Variants in SAMD4A observed in about 807,000 individuals in gnomAD.
SAMD4A encodes the protein sterile alpha motif domain containing 4A.
SAMD4A carries 33 observed loss-of-function variants against 81.3 expected under a neutral mutation model. The observed-to-expected ratio is 0.41, with a 90% CI of 0.31 to 0.54. The LOEUF is 0.54. SAMD4A is among the 20% of genes least tolerant of loss of function. The pLI, the probability that SAMD4A is intolerant of heterozygous loss-of-function variation, is 0.37. For missense variants in SAMD4A, 854 were observed against 951.1 expected (o/e 0.90, Z 1.34); for synonymous variants, 389 against 382.1 (o/e 1.02, Z -0.21).
At chr14:54,611,992 C>T (rs1444181390) in intron 2 of SAMD4A, among the ~76,000 whole-genome samples, 1 of 152,064 alleles carries the variant, frequency 6.6e-6, no homozygotes, top group African/African-American at 2.4e-5. Flanking sequence ...CATGCCGTCA[C>T]CCTGATTGAC....
At chr14:54,663,543 T>C (rs183087998) in intron 2 of SAMD4A, among the ~76,000 whole-genome samples, 1 of 152,214 alleles carries the variant, frequency 6.6e-6, no homozygotes, top group African/African-American at 2.4e-5. Flanking sequence ...GCTTGACTAC[T>C]TTTTTTTCTG....
At chr14:54,783,712 A>G (rs1263111303) in intron 11 of SAMD4A, among the ~76,000 whole-genome samples, 1 of 152,148 alleles carries the variant, frequency 6.6e-6, no homozygotes, top group African/African-American at 2.4e-5. Context: ...GCTAACTTTG[A>G]TGAGTGACTT....
At chr14:54,623,592 G>T (rs1007773293) in intron 2 of SAMD4A, among the ~76,000 whole-genome samples, 1 of 148,656 alleles carries the variant, frequency 6.7e-6, no homozygotes, top group Non-Finnish European at 1.5e-5. Flanking sequence ...TAATTCTGTT[G>T]GTAGAAATAA....
At chr14:54,755,402 T>A (rs527523919) in intron 6 of SAMD4A, among the ~76,000 whole-genome samples, 45 of 152,242 alleles carry the variant, frequency 3.0e-4, no homozygotes, top group African/African-American at 1.1e-3. Flanking sequence ...TTGTGCATCA[T>A]GTGAGTGTAA....
chr14:54,641,987 AG>A (rs1304010232), intron 2 of SAMD4A, among the ~76,000 whole-genome samples: 2 of 152,046 alleles, frequency 1.3e-5, no homozygotes, highest in Non-Finnish European at 2.9e-5. Flanking sequence ...TAGTAGAGAA[AG>A]GGTTTCACCA....
intron 8 of SAMD4A, among the ~76,000 whole-genome samples, 181 bp downstream of exon 8, chr14:54,764,721 A>G (rs146479100): frequency 2.0e-5 from 3 of 152,336 alleles, no homozygotes; most frequent in South Asian, 2.1e-4. Context: ...CAGCTTGAAC[A>G]TTACTTTGGT....
At chr14:54,711,386 T>G (rs1302423949) in intron 3 of SAMD4A, among the ~76,000 whole-genome samples, 1 of 152,144 alleles carries the variant, frequency 6.6e-6, no homozygotes. Context: ...TAGTTACAAA[T>G]GTATACCCAA....
intron 7 of SAMD4A, among the ~76,000 whole-genome samples, chr14:54,760,794 G>C (rs1034107887): frequency 2.0e-5 from 3 of 152,198 alleles, no homozygotes. Flanking sequence ...GACCCTTGCA[G>C]GAGGAAGGTG....
intron 3 of SAMD4A, among the ~76,000 whole-genome samples, chr14:54,733,241 C>T (rs2359362): frequency 0.63 from 95,270 of 152,012 alleles, 30,811 homozygotes; most frequent in Non-Finnish European, 0.71. Context: ...CTAGACTTAC[C>T]TAATACTTAT....
At chr14:54,656,213 G>T (rs2035517752) in intron 2 of SAMD4A, among the ~76,000 whole-genome samples, 1 of 152,088 alleles carries the variant, frequency 6.6e-6, no homozygotes, top group African/African-American at 2.4e-5. Context: ...GTTTCCATTT[G>T]TTATTCTTCA....
At chr14:54,671,755 G>T (rs1370227656) in intron 2 of SAMD4A, among the ~76,000 whole-genome samples, 1 of 152,224 alleles carries the variant, frequency 6.6e-6, no homozygotes, top group Non-Finnish European at 1.5e-5. Context: ...CAGTGAATGT[G>T]GCAATGAACC....
At chr14:54,679,937 A>G (rs1452350779) in intron 2 of SAMD4A, among the ~76,000 whole-genome samples, 1 of 152,268 alleles carries the variant, frequency 6.6e-6, no homozygotes, top group African/African-American at 2.4e-5. Context: ...AAGATAGGAC[A>G]TGATGGGATA....
At chr14:54,577,280 C>G (rs1462819376) in intron 2 of SAMD4A, among the ~76,000 whole-genome samples, 12 of 152,154 alleles carry the variant, frequency 7.9e-5, no homozygotes, top group Admixed American at 7.9e-4. Context: ...CAAAGACGCC[C>G]CAAGGCAGAA....
chr14:54,775,571 G>T (rs550667981), intron 10 of SAMD4A, among the ~76,000 whole-genome samples: 53 of 152,168 alleles, frequency 3.5e-4, no homozygotes, highest in African/African-American at 1.2e-3. Context: ...AGTGTGCCAG[G>T]GGGAGAGTTA....
chr14:54,775,533 G>A (rs1404827395), intron 10 of SAMD4A, among the ~76,000 whole-genome samples: 3 of 152,192 alleles, frequency 2.0e-5, no homozygotes, highest in African/African-American at 7.2e-5. Context: ...CAGCTCTGGT[G>A]GAGCATCCAC....
chr14:54,760,399 A>G lies in SAMD4A; in HGVS notation c.1415A>G (p.Gln472Arg). ...TPSAGASGGL[Q>R]PHQLSSCDGE... Reference sequence around the variant, plus strand: ...TCGGCCGGGGCCAGCGGGGGGCTCCAGCCGCACCAGCTGAGCAGCTGCGAT... The same window carrying G: ...TCGGCCGGGGCCAGCGGGGGGCTCCGGCCGCACCAGCTGAGCAGCTGCGAT... Residue 472 changes from glutamine (Q) to arginine (R), a missense_variant, in exon 7 of 13, where the codon CAG becomes CGG. Gln to Arg is a conservative substitution (Grantham distance 43, BLOSUM62 1). Coordinates refer to ENST00000554335, the MANE Select transcript of SAMD4A (RefSeq NM_015589.6). 6.7e-7 allele frequency: 1 copy of G among 1,486,910 alleles called. No homozygotes were observed. Among genetic ancestry groups the G allele is most frequent in the South Asian group, 1.3e-5 (1 of 74,220 alleles). The allele number at this position is 1,486,910 out of a possible 1,614,324, so 92.1% of individuals were successfully genotyped here.
intron 2 of SAMD4A, among the ~76,000 whole-genome samples, chr14:54,585,160 G>C (rs1392354385): frequency 1.3e-5 from 2 of 151,990 alleles, no homozygotes; most frequent in African/African-American, 4.8e-5. Flanking sequence ...AACTTAAACT[G>C]TCATTAATAT....
At chr14:54,593,230 C>G (rs982890608) in intron 2 of SAMD4A, among the ~76,000 whole-genome samples, 5 of 152,116 alleles carry the variant, frequency 3.3e-5, no homozygotes, top group African/African-American at 9.7e-5. Flanking sequence ...ATTATAGATG[C>G]TTATGTTTTT....
intron 4 of SAMD4A, 27 bp from the exon 5 acceptor site, chr14:54,748,788 C>G: frequency 2.1e-6 from 3 of 1,444,042 alleles, no homozygotes; most frequent in Non-Finnish European, 2.9e-6. Flanking sequence ...ATTTCTCTCC[C>G]CATCTCTTGC....
Sources: gnomAD v4.1 joint callset for allele counts (sites outside exome capture counted in the v4.1 genomes callset) on GRCh38, gnomAD v4.1.1 for gene constraint, MANE v1.5 for transcripts, NCBI Gene and HGNC (gene_info 2026-07-23, HGNC 2026-07-21) for gene names.